Variants in RPS6KC1 observed in about 807,000 individuals in gnomAD.
RPS6KC1 encodes the protein ribosomal protein S6 kinase C1.
Under a neutral mutation model 103.8 loss-of-function variants are expected in RPS6KC1, and 54 were observed. The ratio of observed to expected loss-of-function variants is 0.52; its 90% CI spans 0.42 to 0.65. The LOEUF is 0.65. Among genes scored for constraint, RPS6KC1 ranks in the 30% least tolerant of loss-of-function variants. The probability of loss-of-function intolerance (pLI) is 0.00; values close to 1 mark genes in which losing one functional copy is unlikely to be tolerated. For synonymous variants in RPS6KC1, 439 were observed against 438.7 expected (o/e 1.00, Z -0.01); for missense variants, 1,151 against 1,253.8 (o/e 0.92, Z 1.24).
the RPS6KC1 span, among the ~76,000 whole-genome samples, chr1:213,605,470 A>G: frequency 6.6e-6 from 1 of 152,214 alleles, no homozygotes; most frequent in Non-Finnish European, 1.5e-5. Context: ...TCTGTGATTT[A>G]ATGTCAAAAT....
At chr1:213,646,899 T>TATATATATATATA in the RPS6KC1 span, among the ~76,000 whole-genome samples, 12 of 100,634 alleles carry the variant, frequency 1.2e-4, 1 homozygote, top group Middle Eastern at 5.0e-3. Flanking sequence ...ATATATATAT[T>TATATATATATATA]TTTGTTTGTT....
At chr1:213,369,898 T>G in the RPS6KC1 span, among the ~76,000 whole-genome samples, 3,971 of 152,242 alleles carry the variant, frequency 0.026, 177 homozygotes, top group East Asian at 0.19. Flanking sequence ...CTCCTGGCTT[T>G]ATAGGCAGGA....
chr1:213,163,344 T>C (rs1366610665), intron 6 of RPS6KC1, among the ~76,000 whole-genome samples: 2 of 152,228 alleles, frequency 1.3e-5, no homozygotes, highest in Non-Finnish European at 2.9e-5. Context: ...ATTTGTGGTG[T>C]AGAGAAATAA....
At chr1:213,346,451 G>A in the RPS6KC1 span, among the ~76,000 whole-genome samples, 4 of 152,048 alleles carry the variant, frequency 2.6e-5, no homozygotes, top group South Asian at 8.3e-4. Context: ...TCATAGAGGA[G>A]ATTCAAATGA....
chr1:213,802,342 A>T, the RPS6KC1 span, among the ~76,000 whole-genome samples: 1 of 152,222 alleles, frequency 6.6e-6, no homozygotes, highest in African/African-American at 2.4e-5. Flanking sequence ...AAACCTAGAA[A>T]AACAGTGCTA....
At chr1:213,646,776 A>C in the RPS6KC1 span, among the ~76,000 whole-genome samples, 13 of 152,004 alleles carry the variant, frequency 8.6e-5, no homozygotes. Flanking sequence ...GAAGGCATTG[A>C]ATCCCCCTCA....
chr1:213,688,156 G>A, the RPS6KC1 span, among the ~76,000 whole-genome samples: 9 of 152,074 alleles, frequency 5.9e-5, no homozygotes, highest in African/African-American at 1.9e-4. Context: ...CCTTTTGGAA[G>A]CCACCCTGTG....
chr1:213,181,539 ATTT>A (rs1466630104), intron 8 of RPS6KC1, among the ~76,000 whole-genome samples: 2 of 152,210 alleles, frequency 1.3e-5, no homozygotes, highest in East Asian at 3.8e-4. Flanking sequence ...ACTGGTACTT[ATTT>A]TTTAAGGTAC....
rs1558462493 is a variant in RPS6KC1, at chr1:213,167,482, ACACACAC to A, written c.836-375_836-369del. ...CACACACACACACACACACACACAC[ACACACAC>A]AACAGCTGTTGCATTTGGTCCTATT... On this transcript the variant is annotated intron_variant, in intron 6 of 14. Transcript: ENST00000366960. Among the ~76,000 whole-genome samples the A allele has an allele frequency of 9.0e-3, 1,263 of 140,236 alleles. 27 individuals are homozygous for A. Among genetic ancestry groups the A allele is most frequent in the African/African-American group, 0.031 (1,068 of 34,844 alleles). 92.0% of individuals were successfully genotyped at this position (140,236 alleles called of 152,430 possible).
rs537580748 is a variant in RPS6KC1, at chr1:213,161,925, A to T, written c.836-5933A>T. Among the ~76,000 whole-genome samples the T allele has an allele frequency of 8.5e-5, 13 of 152,340 alleles. No homozygotes were observed. In the South Asian group the frequency reaches 2.7e-3, roughly 32 times the overall value. On this transcript the variant is annotated intron_variant, in intron 6 of 14. Transcript: ENST00000366960. ...CTTCCGTAGATTTTCTACTTCTCTT[A>T]AGATGTGTGTCTCATGGCCAGTGAA... is the stretch of plus-strand genomic sequence containing the variant.
chr1:213,818,255 G>C, the RPS6KC1 span: 3 of 152,258 alleles, frequency 2.0e-5, no homozygotes, highest in African/African-American at 4.8e-5. Context: ...ATTAAGCTCA[G>C]TGAGGAAGGC....
the RPS6KC1 span, among the ~76,000 whole-genome samples, chr1:213,615,356 A>G: frequency 3.3e-5 from 5 of 152,208 alleles, no homozygotes; most frequent in African/African-American, 1.2e-4. Flanking sequence ...GCATTGGCCA[A>G]TGTCCTTGTT....
In RPS6KC1 at chr1:213,274,566, A is replaced by C. The variant is rs1303416113; in HGVS notation, c.*1932A>C. 1 of 152,166 alleles carries C rather than the reference A, an allele frequency of 6.6e-6. No homozygotes were observed. The highest frequency in any genetic ancestry group is 1.5e-5 in the Non-Finnish European group (1 of 68,034). 9.4% of individuals were successfully genotyped at this position (152,166 alleles called of 1,614,324 possible). On this transcript the variant is annotated 3_prime_UTR_variant, in exon 15 of 15. Transcript: ENST00000366960. The stretch of plus-strand genomic sequence containing the variant: ...ATGTAAATACATCATTCATAATTAG[A>C]ATGGACATTAATTATTTTAGTAATA...
At chr1:213,804,374 C>G in the RPS6KC1 span, among the ~76,000 whole-genome samples, 15 of 151,836 alleles carry the variant, frequency 9.9e-5, no homozygotes, top group Non-Finnish European at 1.5e-4. Flanking sequence ...GAGAATGAAT[C>G]CCACCTTAGC....
At chr1:213,470,629 T>C in the RPS6KC1 span, among the ~76,000 whole-genome samples, 1 of 128,138 alleles carries the variant, frequency 7.8e-6, no homozygotes, top group African/African-American at 2.6e-5. Context: ...TTTTTTTTTT[T>C]TTTTTTTAGA....
chr1:213,796,158 C>A, the RPS6KC1 span, among the ~76,000 whole-genome samples: 1 of 152,222 alleles, frequency 6.6e-6, no homozygotes, highest in Non-Finnish European at 1.5e-5. Context: ...CGTTTCAGTA[C>A]AATTTGAGAA....
At chr1:213,362,926 C>A in the RPS6KC1 span, among the ~76,000 whole-genome samples, 5 of 152,192 alleles carry the variant, frequency 3.3e-5, no homozygotes, top group African/African-American at 7.2e-5. Context: ...AGTTCTTCAG[C>A]CTGTTGGCCC....
chr1:213,512,584 A>T, the RPS6KC1 span, among the ~76,000 whole-genome samples: 1 of 152,174 alleles, frequency 6.6e-6, no homozygotes, highest in Non-Finnish European at 1.5e-5. Context: ...CAGCAGGATT[A>T]GGGTTGGTGG....
chr1:213,266,446 T>C (rs1264058397), intron 14 of RPS6KC1, among the ~76,000 whole-genome samples: 1 of 152,224 alleles, frequency 6.6e-6, no homozygotes, highest in Non-Finnish European at 1.5e-5. Context: ...AAATATGTAC[T>C]GTGAGTATTC....
Sources: allele counts gnomAD v4.1 joint callset (sites outside exome capture counted in the v4.1 genomes callset), GRCh38; gene constraint gnomAD v4.1.1; transcripts MANE v1.5; gene names NCBI Gene and HGNC (gene_info 2026-07-23, HGNC 2026-07-21).